The following GADL1 variants were observed in gnomAD, a reference collection of about 807,000 sequenced individuals.
GADL1 encodes the protein acidic amino acid decarboxylase GADL1.
GADL1 carries 71 observed loss-of-function variants against 69.5 expected under a neutral mutation model. That is an observed-to-expected ratio of 1.02 (90% CI 0.84 to 1.25). The LOEUF is 1.25. Among genes scored for constraint, GADL1 ranks in the 50% most tolerant of loss-of-function variants. The probability of loss-of-function intolerance (pLI) is 0.00; values close to 1 mark genes in which losing one functional copy is unlikely to be tolerated. For synonymous variants in GADL1, 254 were observed against 214.4 expected (o/e 1.18, Z -1.62); for missense variants, 737 against 631.8 (o/e 1.17, Z -1.79).
intron 13 of GADL1, among the ~76,000 whole-genome samples, chr3:30,781,009 C>A (rs770196884): frequency 2.0e-5 from 3 of 152,112 alleles, no homozygotes; most frequent in Admixed American, 1.3e-4. Context: ...CATTTGTATA[C>A]CCCTTAATTT....
intron 13 of GADL1, among the ~76,000 whole-genome samples, chr3:30,781,717 AATGTAGATG>A (rs1396887302): frequency 6.6e-6 from 1 of 152,186 alleles, no homozygotes; most frequent in African/African-American, 2.4e-5. Flanking sequence ...TAAACTATAA[AATGTAGATG>A]ATGTCTGCCC....
intron 14 of GADL1, among the ~76,000 whole-genome samples, chr3:30,750,913 A>G (rs1271203945): frequency 6.6e-6 from 1 of 152,164 alleles, no homozygotes; most frequent in African/African-American, 2.4e-5. Context: ...TTTTTGAAAG[A>G]CAGAGGACAT....
At chr3:30,771,418 T>G (rs1019469023) in intron 14 of GADL1, among the ~76,000 whole-genome samples, 1 of 152,158 alleles carries the variant, frequency 6.6e-6, no homozygotes, top group Admixed American at 6.5e-5. Flanking sequence ...GCATACGGTA[T>G]CTACAAAATT....
At chr3:30,849,426 G>A (rs570093634) in intron 6 of GADL1, among the ~76,000 whole-genome samples, 25 of 152,284 alleles carry the variant, frequency 1.6e-4, no homozygotes, top group African/African-American at 5.8e-4. Context: ...AAGTGACAGA[G>A]GCAGGGACTG....
Position 30,728,204 on chromosome 3 carries a change from A to G in GADL1, c.*38T>C. The G allele has an allele frequency of 6.4e-7, 1 of 1,568,414 alleles. No individual in the cohort carries two copies. Among genetic ancestry groups the G allele is most frequent in the South Asian group, 1.1e-5 (1 of 90,044 alleles). ...AGATGTTCTGGATCTAAACTCTCCCAGGATAGGATCTATGCCTCTGGGGGA... is the reference window on the plus strand; with the variant it reads ...AGATGTTCTGGATCTAAACTCTCCCGGGATAGGATCTATGCCTCTGGGGGA... On this transcript the variant is annotated 3_prime_UTR_variant, in exon 15 of 15. Transcript: ENST00000282538.
At chr3:30,810,103 A>T (rs927267243) in intron 11 of GADL1, among the ~76,000 whole-genome samples, 3 of 152,070 alleles carry the variant, frequency 2.0e-5, no homozygotes, top group African/African-American at 7.2e-5. Flanking sequence ...TTGTCTTGCC[A>T]TTTTGACATC....
chr3:30,749,526 AT>A (rs1227220902), intron 14 of GADL1, among the ~76,000 whole-genome samples: 1 of 152,232 alleles, frequency 6.6e-6, no homozygotes, highest in African/African-American at 2.4e-5. Flanking sequence ...ATCTTAGGAC[AT>A]TTCTTCAAGA....
chr3:30,838,073 A>G (rs1697902021), intron 9 of GADL1, among the ~76,000 whole-genome samples: 1 of 152,160 alleles, frequency 6.6e-6, no homozygotes, highest in African/African-American at 2.4e-5. Context: ...CTACAAAATT[A>G]TGTGGGTATA....
chr3:30,812,237 C>G (rs1239105519), intron 11 of GADL1, among the ~76,000 whole-genome samples: 1 of 152,180 alleles, frequency 6.6e-6, no homozygotes, highest in Non-Finnish European at 1.5e-5. Flanking sequence ...ACTATAAAAC[C>G]TAAGTCTATG....
chr3:30,765,481 C>T (rs1393050667), intron 14 of GADL1, among the ~76,000 whole-genome samples: 1 of 152,186 alleles, frequency 6.6e-6, no homozygotes, highest in Admixed American at 6.5e-5. Flanking sequence ...TTCTATGCAT[C>T]TACTATGTGA....
chr3:30,808,133 A>T (rs1318372823), intron 11 of GADL1, among the ~76,000 whole-genome samples: 1 of 152,144 alleles, frequency 6.6e-6, no homozygotes, highest in East Asian at 1.9e-4. Context: ...AGAAGGAAGA[A>T]AAAGGAGGAG....
intron 3 of GADL1, among the ~76,000 whole-genome samples, chr3:30,856,004 T>G (rs937812054): frequency 2.0e-5 from 3 of 151,880 alleles, no homozygotes; most frequent in African/African-American, 7.2e-5. Context: ...TTATGATTGA[T>G]TTCCATGGTA....
At chr3:30,768,591 A>T (rs1696343395) in intron 14 of GADL1, among the ~76,000 whole-genome samples, 1 of 151,818 alleles carries the variant, frequency 6.6e-6, no homozygotes, top group African/African-American at 2.4e-5. Flanking sequence ...GAGGCGGAGA[A>T]GGAAGAGTGG....
At chr3:30,837,229 C>T (rs1697888956) in intron 9 of GADL1, among the ~76,000 whole-genome samples, 1 of 151,932 alleles carries the variant, frequency 6.6e-6, no homozygotes, top group Admixed American at 6.6e-5. Flanking sequence ...GCAATTATTG[C>T]AATTTGTTAA....
At chr3:30,818,456 G>A (rs998383342) in intron 11 of GADL1, among the ~76,000 whole-genome samples, 7 of 152,244 alleles carry the variant, frequency 4.6e-5, no homozygotes, top group African/African-American at 1.7e-4. Flanking sequence ...TGACTAGTCA[G>A]ACCATTCAGA....
At chr3:30,757,011 A>G (rs1695990728) in intron 14 of GADL1, among the ~76,000 whole-genome samples, 1 of 152,138 alleles carries the variant, frequency 6.6e-6, no homozygotes, top group Non-Finnish European at 1.5e-5. Context: ...AATCAATGAC[A>G]GCTGTTTCAG....
intron 1 of GADL1, among the ~76,000 whole-genome samples, chr3:30,879,821 A>G (rs1473959726): frequency 6.6e-6 from 1 of 151,916 alleles, no homozygotes; most frequent in Admixed American, 6.6e-5. Context: ...AAACTCTGTA[A>G]TTTTGTTCTC....
intron 14 of GADL1, among the ~76,000 whole-genome samples, chr3:30,749,552 A>T (rs1351522113): frequency 1.3e-5 from 2 of 152,252 alleles, no homozygotes; most frequent in East Asian, 3.8e-4. Flanking sequence ...AGCACTTTAG[A>T]CTAATGGGAC....
At chr3:30,772,288 A>G (rs565529325) in intron 14 of GADL1, among the ~76,000 whole-genome samples, 15 of 152,350 alleles carry the variant, frequency 9.8e-5, no homozygotes, top group South Asian at 8.3e-4. Context: ...AAATAACCAT[A>G]CATGAATACG....
Sources: gnomAD v4.1 joint callset for allele counts (sites outside exome capture counted in the v4.1 genomes callset) on GRCh38, gnomAD v4.1.1 for gene constraint, MANE v1.5 for transcripts, NCBI Gene and HGNC (gene_info 2026-07-23, HGNC 2026-07-21) for gene names.